OCA2: variants seen among roughly 807,000 people sequenced by gnomAD.
OCA2 encodes the protein P protein.
A neutral mutation model predicts 100.2 loss-of-function variants in OCA2; 77 were observed. The ratio of observed to expected loss-of-function variants is 0.77; its 90% CI spans 0.64 to 0.93. The LOEUF is 0.93. Ranked by LOEUF, OCA2 falls within the 40% of genes least tolerant of loss-of-function variation. The pLI, the probability that OCA2 is intolerant of heterozygous loss-of-function variation, is 0.00. For missense variants in OCA2, 1,062 were observed against 1,089.1 expected, an observed-to-expected ratio of 0.98 and a Z score of 0.35; for synonymous variants, 432 against 439.2, an observed-to-expected ratio of 0.98 and a Z score of 0.21.
the OCA2 span, among the ~76,000 whole-genome samples, chr15:27,722,779 TTTC>T: frequency 1.7e-3 from 94 of 55,728 alleles, no homozygotes; most frequent in African/African-American, 7.7e-3. Context: ...CTTTTCTTTC[TTTC>T]TCTCTCTCTC....
intron 2 of OCA2, among the ~76,000 whole-genome samples, chr15:28,039,651 G>A (rs146876772): frequency 1.3e-5 from 2 of 152,302 alleles, no homozygotes; most frequent in East Asian, 3.9e-4. Context: ...GTGTGAATGT[G>A]TTTGGAGATG....
chr15:27,963,965 G>C (rs369654387), intron 15 of OCA2, among the ~76,000 whole-genome samples: 33 of 152,162 alleles, frequency 2.2e-4, no homozygotes, highest in African/African-American at 7.9e-4. Context: ...AGAATATTAT[G>C]AACAATTTTA....
At chr15:28,084,667 G>A (rs1246151865) in intron 1 of OCA2, among the ~76,000 whole-genome samples, 1 of 152,174 alleles carries the variant, frequency 6.6e-6, no homozygotes, top group Non-Finnish European at 1.5e-5. Context: ...AAAATCTGCT[G>A]CCAAGGTCAC....
chr15:27,955,990 C>A (rs1018430655), intron 16 of OCA2, among the ~76,000 whole-genome samples: 7 of 152,070 alleles, frequency 4.6e-5, no homozygotes, highest in African/African-American at 4.8e-5. Flanking sequence ...CAGTCTGGGT[C>A]GTAAGAAATC....
intron 19 of OCA2, among the ~76,000 whole-genome samples, chr15:27,917,115 C>T (rs2038694236): frequency 6.6e-6 from 1 of 152,040 alleles, no homozygotes; most frequent in Non-Finnish European, 1.5e-5. Context: ...TGTATACAAA[C>T]CTTACTCTCT....
At position 28,069,735 on chromosome 15, in the gene OCA2, G is replaced by A. The variant is rs1330869987; in HGVS notation, c.227+11913C>T. The stretch of plus-strand genomic sequence containing the variant: ...GGTGCCCAGGCTGGAGTGCAGTGGC[G>A]TGATCTCAGCTCACTACAACCTACA... On this transcript the variant is annotated intron_variant, in intron 2 of 23. Coordinates refer to ENST00000354638, the MANE Select transcript of OCA2 (RefSeq NM_000275.3). 4.1e-5 allele frequency among the ~76,000 whole-genome samples: 6 copies of A among 145,500 alleles called. 1 individual carries two copies. In the East Asian group the frequency reaches 1.1e-3, roughly 26 times the overall value.
intron 2 of OCA2, among the ~76,000 whole-genome samples, chr15:28,047,210 C>G (rs2043373105): frequency 6.6e-6 from 1 of 152,172 alleles, no homozygotes; most frequent in South Asian, 2.1e-4. Flanking sequence ...AGCCCACAGT[C>G]AAATCACCTG....
intron 19 of OCA2, among the ~76,000 whole-genome samples, chr15:27,905,949 C>G (rs568912279): frequency 6.6e-6 from 1 of 152,292 alleles, no homozygotes; most frequent in African/African-American, 2.4e-5. Flanking sequence ...ACAAACCCAC[C>G]TTAAATCAGA....
At chr15:28,072,589 CAAAAAAAAAA>C (rs760224063) in intron 2 of OCA2, among the ~76,000 whole-genome samples, 3 of 60,072 alleles carry the variant, frequency 5.0e-5, no homozygotes, top group Non-Finnish European at 1.2e-4. Flanking sequence ...GATTCCGTCT[CAAAAAAAAAA>C]AAAAAAAAAA....
rs536689887 is a variant in OCA2 at position 27,879,909 on chromosome 15, G to A, written c.2080-7987C>T. Among the ~76,000 whole-genome samples, 164 of 152,098 alleles carry A rather than the reference G, an allele frequency of 1.1e-3. 1 individual carries two copies. The highest frequency in any genetic ancestry group is 0.01 in the Middle Eastern group (3 of 294). On this transcript the variant is annotated intron_variant, in intron 19 of 23. Transcript: ENST00000354638. ...TGTTGCAATTGCTTTTTACATTTTTGTCATGAAATCTATGTTTGTGCCTAT... is the reference window on the plus strand; with the variant it reads ...TGTTGCAATTGCTTTTTACATTTTTATCATGAAATCTATGTTTGTGCCTAT...
Position 28,075,005 on chromosome 15 carries a change from T to C in OCA2, c.227+6643A>G, listed in dbSNP as rs559093765. On this transcript the variant is annotated intron_variant, in intron 2 of 23. Transcript: ENST00000354638. ...AAATATAAATAAACCCAGCAGCATA[T>C]GCAAAAATTCACTCAAAATGGATTA... Among the ~76,000 whole-genome samples the C allele has an allele frequency of 3.2e-4, 49 of 152,286 alleles. 2 individuals are homozygous for C. The highest frequency in any genetic ancestry group is 1.2e-3 in the African/African-American group (49 of 41,566).
intron 23 of OCA2, among the ~76,000 whole-genome samples, chr15:27,773,053 A>G (rs2031983939): frequency 1.3e-5 from 2 of 152,134 alleles, no homozygotes; most frequent in Non-Finnish European, 2.9e-5. Flanking sequence ...TTGAATTTTT[A>G]AATATGAACT....
chr15:27,925,377 A>C (rs1052155656), intron 19 of OCA2, among the ~76,000 whole-genome samples: 3 of 152,224 alleles, frequency 2.0e-5, no homozygotes, highest in Admixed American at 6.5e-5. Flanking sequence ...TGTGCAATGT[A>C]TGTCCTGTGA....
In OCA2 at chr15:27,882,943, G is replaced by A. The variant is rs547487049; in HGVS notation, c.2080-11021C>T. ...AGTTAGTCAGATACCTGTATGGATG[G>A]TTCTAACCTCAGCCAGTCATCAGTC... On this transcript the variant is annotated intron_variant, in intron 19 of 23. Transcript: ENST00000354638. Among the ~76,000 whole-genome samples the A allele has an allele frequency of 6.6e-5, 10 of 152,300 alleles. No individual in the cohort carries two copies. The South Asian group carries it at 1.9e-3, about 28-fold the overall frequency.
intron 23 of OCA2, among the ~76,000 whole-genome samples, chr15:27,826,353 A>C (rs1038780102): frequency 6.4e-5 from 6 of 93,268 alleles, no homozygotes; most frequent in Admixed American, 3.2e-4. Context: ...GGAACTTCCC[A>C]CACACACACA....
At chr15:27,747,715 C>T in the OCA2 span, among the ~76,000 whole-genome samples, 1 of 151,126 alleles carries the variant, frequency 6.6e-6, no homozygotes, top group Non-Finnish European at 1.5e-5. Context: ...AGAAATAATG[C>T]TATGCTTATC....
chr15:27,885,242 A>T (rs1473212909), intron 19 of OCA2, among the ~76,000 whole-genome samples: 1 of 152,222 alleles, frequency 6.6e-6, no homozygotes, highest in Non-Finnish European at 1.5e-5. Context: ...TATTAACATG[A>T]AATTATTATA....
At chr15:27,952,975 G>A (rs1051735181) in intron 17 of OCA2, among the ~76,000 whole-genome samples, 3 of 152,108 alleles carry the variant, frequency 2.0e-5, no homozygotes, top group African/African-American at 4.8e-5. Flanking sequence ...GAGCCACCAC[G>A]CCTGGCAAGC....
chr15:27,926,162 G>C lies in OCA2; in HGVS notation c.2044C>G (p.Leu682Val). ...IILHRVEWAT[L>V]LFFAALFVLM... The stretch of plus-strand genomic sequence containing the variant: ...ACAAAGAGCGCTGCAAAAAACAGAA[G>C]GGTTGCCCATTCCACTCTGTGTAGA... Residue 682 changes from leucine to valine, a missense_variant, in exon 19 of 24, where the codon CTT becomes GTT. Transcript: ENST00000354638. 6.2e-7 allele frequency: 1 copy of C among 1,614,062 alleles called. No homozygotes were observed. The highest frequency in any genetic ancestry group is 8.5e-7 in the Non-Finnish European group (1 of 1,179,978).
Sources: allele counts gnomAD v4.1 joint callset (sites outside exome capture counted in the v4.1 genomes callset), GRCh38; gene constraint gnomAD v4.1.1; transcripts MANE v1.5; gene names NCBI Gene and HGNC (gene_info 2026-07-23, HGNC 2026-07-21).